The following DDX31 variants were observed in gnomAD, a reference collection of about 807,000 sequenced individuals.
DDX31 encodes the protein DEAD-box helicase 31, also known as ATP-dependent DNA helicase DDX31.
Under a neutral mutation model 91.3 loss-of-function variants are expected in DDX31, and 70 were observed. The observed-to-expected ratio is 0.77, with a 90% CI of 0.63 to 0.94. The LOEUF (loss-of-function observed/expected upper bound fraction) is 0.94. Among genes scored for constraint, DDX31 ranks in the 40% least tolerant of loss-of-function variants. The pLI is 0.00. For missense variants in DDX31, 902 were observed against 925.0 expected (o/e 0.98, Z 0.32); for synonymous variants, 362 against 350.6 (o/e 1.03, Z -0.36).
At chr9:132,624,988 T>C (rs553767889) in intron 17 of DDX31, among the ~76,000 whole-genome samples, 1 of 152,276 alleles carries the variant, frequency 6.6e-6, no homozygotes, top group Admixed American at 6.5e-5. Context: ...AAGTGATTAA[T>C]ATCTCATAGA....
intron 14 of DDX31, among the ~76,000 whole-genome samples, chr9:132,633,668 C>T (rs563184138): frequency 6.6e-6 from 1 of 151,358 alleles, no homozygotes; most frequent in East Asian, 1.9e-4. Context: ...GTGGGAAGAA[C>T]CCCCAAAGCT....
intron 14 of DDX31, among the ~76,000 whole-genome samples, chr9:132,635,172 T>C (rs556990579): frequency 1.3e-5 from 2 of 152,274 alleles, no homozygotes; most frequent in East Asian, 3.9e-4. Context: ...GGGCAGTCTG[T>C]CCTGTATGGG....
intron 16 of DDX31, among the ~76,000 whole-genome samples, chr9:132,626,333 A>G (rs771376368): frequency 2.6e-5 from 4 of 152,186 alleles, no homozygotes; most frequent in Non-Finnish European, 5.9e-5. Flanking sequence ...ACGAAGCCGG[A>G]GCTGTGTGCC....
chr9:132,665,914 AG>A (rs1286210986), intron 1 of DDX31, among the ~76,000 whole-genome samples: 1 of 152,256 alleles, frequency 6.6e-6, no homozygotes, highest in African/African-American at 2.4e-5. Flanking sequence ...GGCTTTCCCC[AG>A]GCATCATGAT....
intron 19 of DDX31, among the ~76,000 whole-genome samples, chr9:132,596,893 G>C (rs1306484783): frequency 2.6e-5 from 4 of 152,156 alleles, no homozygotes; most frequent in African/African-American, 9.7e-5. Context: ...GGAGGAGGGA[G>C]AAGCCAGGGT....
chr9:132,612,003 T>G, intron 19 of DDX31, 84 bp downstream of exon 19: 1 of 1,519,706 alleles, frequency 6.6e-7, no homozygotes. Context: ...AGAAGAGAGT[T>G]GCGGTGAGCA....
At chr9:132,605,779 G>C (rs892279739) in intron 19 of DDX31, among the ~76,000 whole-genome samples, 4 of 152,194 alleles carry the variant, frequency 2.6e-5, no homozygotes, top group African/African-American at 9.7e-5. Context: ...GGATGAGGCT[G>C]AACAATCAGC....
At chr9:132,651,162 T>A (rs1349329775) in intron 7 of DDX31, 46 bp from the exon 8 acceptor site, 2 of 1,492,350 alleles carry the variant, frequency 1.3e-6, no homozygotes, top group Admixed American at 4.1e-5. Flanking sequence ...GATCCCCCTT[T>A]TTTTTTTTTT....
At chr9:132,669,678 G>A (rs1250405026) in intron 1 of DDX31, 182 bp downstream of exon 1, 2 of 1,533,388 alleles carry the variant, frequency 1.3e-6, no homozygotes, top group Non-Finnish European at 8.7e-7. Context: ...GCATCCCTGC[G>A]GGTGGTGTTC....
intron 16 of DDX31, among the ~76,000 whole-genome samples, chr9:132,626,633 A>G (rs942741532): frequency 6.6e-6 from 1 of 151,908 alleles, no homozygotes; most frequent in Non-Finnish European, 1.5e-5. Context: ...ATTTTGTTGT[A>G]TGCTCTTTTT....
chr9:132,667,855 G>A (rs1212908662), intron 1 of DDX31, among the ~76,000 whole-genome samples: 1 of 152,176 alleles, frequency 6.6e-6, no homozygotes, highest in Non-Finnish European at 1.5e-5. Flanking sequence ...CATTTATTAA[G>A]TGCTTCTATG....
chr9:132,646,928 C>T lies in DDX31; in HGVS notation c.1098G>A (p.Lys366=). 6.2e-7 allele frequency: 1 copy of T among 1,614,216 alleles called. No individual in the cohort carries two copies. The change falls in exon 12 of 20, where the codon AAG becomes AAA. Residue 366 remains lysine (K), a synonymous_variant. Transcript: ENST00000372159. ...TCTCTGGTATTGCAAAGCTGTCCAGCTTGTCGCCAGCTGGTGGAGGACAGA... is the reference window on the plus strand; with the variant it reads ...TCTCTGGTATTGCAAAGCTGTCCAGTTTGTCGCCAGCTGGTGGAGGACAGA... The part of the protein sequence containing the change: ...QEVCPPPAGD[K]LDSFAIPESL...
rs900227521 is a variant in DDX31 at position 132,669,975 on chromosome 9, G to A, written c.-41C>T. The A allele has an allele frequency of 1.9e-6, 3 of 1,575,908 alleles. No individual in the cohort carries two copies. The highest frequency in any genetic ancestry group is 1.3e-5 in the African/African-American group (1 of 74,206). ...CGCGTGGTGCAGCAGCGAGCCCGGTGCGCAGACTGCTGGGCCCGGGACCCC... is the reference window on the plus strand; with the variant it reads ...CGCGTGGTGCAGCAGCGAGCCCGGTACGCAGACTGCTGGGCCCGGGACCCC... On this transcript the variant is annotated 5_prime_UTR_variant, in exon 1 of 20. Transcript: ENST00000372159.
At position 132,611,364 on chromosome 9, in the gene DDX31, C is replaced by T. The variant is rs193160958; in HGVS notation, c.1994+723G>A. 2.6e-4 allele frequency among the ~76,000 whole-genome samples: 40 copies of T among 152,262 alleles called. No individual in the cohort carries two copies. The East Asian group carries it at 7.1e-3, about 27-fold the overall frequency. On this transcript the variant is annotated intron_variant, in intron 19 of 19. Transcript: ENST00000372159. ...CATGAGTGGCTCACAGGGCCTCACGCGCTCTGGCTCCTGTGAGGGCTGAGG... is the reference window on the plus strand; with the variant it reads ...CATGAGTGGCTCACAGGGCCTCACGTGCTCTGGCTCCTGTGAGGGCTGAGG...
chr9:132,606,075 G>C (rs985927821), intron 19 of DDX31, among the ~76,000 whole-genome samples: 1 of 152,194 alleles, frequency 6.6e-6, no homozygotes, highest in African/African-American at 2.4e-5. Context: ...TGTTGGATGC[G>C]GCTGAGATGG....
intron 11 of DDX31, 105 bp from the exon 12 acceptor site, chr9:132,647,163 T>A: frequency 9.9e-7 from 1 of 1,005,690 alleles, no homozygotes; most frequent in Non-Finnish European, 1.5e-6. Context: ...TAGGACTACG[T>A]ATGTTACCCC....
intron 14 of DDX31, chr9:132,638,314 A>C (rs762040037): frequency 6.2e-7 from 1 of 1,613,862 alleles, no homozygotes; most frequent in Non-Finnish European, 8.5e-7. Context: ...CAACATAATG[A>C]TGGTATTAAA....
intron 17 of DDX31, 107 bp downstream of exon 17, chr9:132,625,557 A>T: frequency 1.2e-6 from 1 of 813,676 alleles, no homozygotes; most frequent in Non-Finnish European, 2.1e-6. Context: ...TTCTTAAAAT[A>T]AATGTATTGC....
chr9:132,657,662 C>T (rs376872722), intron 6 of DDX31, among the ~76,000 whole-genome samples: 8 of 152,244 alleles, frequency 5.3e-5, no homozygotes, highest in African/African-American at 1.9e-4. Context: ...AAACAGTAAT[C>T]GATTAGCTTT....
Sources: gnomAD v4.1 joint callset for allele counts (sites outside exome capture counted in the v4.1 genomes callset) on GRCh38, gnomAD v4.1.1 for gene constraint, MANE v1.5 for transcripts, NCBI Gene and HGNC (gene_info 2026-07-23, HGNC 2026-07-21) for gene names.